The following DGKB variants were observed in gnomAD, a reference collection of about 807,000 sequenced individuals.
DGKB encodes the protein diacylglycerol kinase beta, also known as 90 kDa diacylglycerol kinase.
Under a neutral mutation model 114.3 loss-of-function variants are expected in DGKB, and 67 were observed. That is an observed-to-expected ratio of 0.59 (90% CI 0.48 to 0.72). DGKB has a LOEUF of 0.72. Ranked by LOEUF, DGKB falls within the 30% of genes least tolerant of loss-of-function variation. DGKB has a pLI of 0.00. For synonymous variants in DGKB, 398 were observed against 323.1 expected (o/e 1.23, Z -2.49); for missense variants, 907 against 975.2 (o/e 0.93, Z 0.93).
At chr7:14,667,383 C>G (rs1245995628) in intron 13 of DGKB, among the ~76,000 whole-genome samples, 1 of 151,936 alleles carries the variant, frequency 6.6e-6, no homozygotes, top group African/African-American at 2.4e-5. Flanking sequence ...TAACCAATTC[C>G]TAACTACAGA....
chr7:14,652,510 T>G (rs1280709907), intron 13 of DGKB, among the ~76,000 whole-genome samples: 1 of 152,030 alleles, frequency 6.6e-6, no homozygotes, highest in Non-Finnish European at 1.5e-5. Context: ...CAAGATGGAT[T>G]AAAGACTTAA....
At chr7:14,759,970 G>C (rs572295562) in intron 2 of DGKB, among the ~76,000 whole-genome samples, 2 of 152,174 alleles carry the variant, frequency 1.3e-5, no homozygotes, top group South Asian at 4.1e-4. Context: ...GATGTGAAAT[G>C]ATTCGACTCA....
At chr7:14,231,069 TCTTTCTTCTTTCC>T (rs1402247929) in intron 23 of DGKB, among the ~76,000 whole-genome samples, 156 of 151,096 alleles carry the variant, frequency 1.0e-3, no homozygotes, top group East Asian at 8.2e-3. Context: ...GGTTAAAAAT[TCTTTCTTCTTTCC>T]CTTTCTTTCT....
chr7:14,499,949 A>G (rs1355596049), intron 20 of DGKB, among the ~76,000 whole-genome samples: 1 of 151,888 alleles, frequency 6.6e-6, no homozygotes, highest in Non-Finnish European at 1.5e-5. Flanking sequence ...AGAAGAGAAT[A>G]CATTTCTTTT....
intron 23 of DGKB, among the ~76,000 whole-genome samples, chr7:14,267,345 C>T (rs1437172369): frequency 1.3e-5 from 2 of 152,068 alleles, no homozygotes; most frequent in Admixed American, 6.6e-5. Flanking sequence ...GAAGGTGGAC[C>T]TAGGTGAACT....
chr7:14,499,281 T>C (rs1003607222), intron 20 of DGKB, among the ~76,000 whole-genome samples: 6 of 151,712 alleles, frequency 4.0e-5, no homozygotes, highest in Non-Finnish European at 8.9e-5. Context: ...TAGGAGTTAA[T>C]ATCATTTATT....
intron 20 of DGKB, among the ~76,000 whole-genome samples, chr7:14,509,376 C>T (rs1787623965): frequency 6.6e-6 from 1 of 152,050 alleles, no homozygotes; most frequent in Non-Finnish European, 1.5e-5. Context: ...AGAGAATAAC[C>T]ACTCAGCGGC....
chr7:14,591,188 A>C (rs1220719796), intron 17 of DGKB, among the ~76,000 whole-genome samples: 1 of 152,104 alleles, frequency 6.6e-6, no homozygotes, highest in Non-Finnish European at 1.5e-5. Context: ...TCATCCTTCC[A>C]ATGGGGAGAA....
intron 13 of DGKB, among the ~76,000 whole-genome samples, chr7:14,640,409 T>C (rs557839553): frequency 2.6e-5 from 4 of 152,090 alleles, no homozygotes; most frequent in Non-Finnish European, 5.9e-5. Context: ...CAAGATAAAA[T>C]GAGAGTAATG....
At chr7:14,577,399 C>T (rs1006720611) in intron 19 of DGKB, among the ~76,000 whole-genome samples, 1 of 152,044 alleles carries the variant, frequency 6.6e-6, no homozygotes. Flanking sequence ...GGGTGGATCA[C>T]GAGGTCAGGA....
chr7:14,564,971 G>T (rs2128682056), intron 20 of DGKB, among the ~76,000 whole-genome samples: 1 of 152,098 alleles, frequency 6.6e-6, no homozygotes, highest in East Asian at 1.9e-4. Flanking sequence ...TATATGTTTA[G>T]GTAGATGGAA....
chr7:14,453,624 A>C (rs1057393246), intron 21 of DGKB, among the ~76,000 whole-genome samples: 1 of 152,162 alleles, frequency 6.6e-6, no homozygotes, highest in Admixed American at 6.6e-5. Context: ...TCTGAAATTT[A>C]TCTGTAATTT....
chr7:14,413,138 G>A lies in DGKB; in HGVS notation c.1835+65023C>T, dbSNP rs528179752. Among the ~76,000 whole-genome samples the A allele has an allele frequency of 3.0e-4, 45 of 152,174 alleles. No individual in the cohort carries two copies. The South Asian group carries it at 8.5e-3, about 29-fold the overall frequency. ...GGCAAAACTAAAGTGATATAGCAAT[G>A]GATTGGATATGGAGAGTGCAACATG... On this transcript the variant is annotated intron_variant, in intron 21 of 25. Transcript: ENST00000402815.
At chr7:14,929,017 G>A (rs1465209660) in intron 1 of DGKB, among the ~76,000 whole-genome samples, 4 of 129,978 alleles carry the variant, frequency 3.1e-5, no homozygotes, top group Non-Finnish European at 4.8e-5. Context: ...GTACTGCATT[G>A]TGTATACACA....
chr7:14,930,775 A>T (rs1784975361), intron 1 of DGKB, among the ~76,000 whole-genome samples: 1 of 151,990 alleles, frequency 6.6e-6, no homozygotes, highest in African/African-American at 2.4e-5. Context: ...GGCATCCTTG[A>T]CTTGTTCCAG....
At chr7:14,960,220 T>G (rs552013324) in intron 1 of DGKB, among the ~76,000 whole-genome samples, 167 of 152,234 alleles carry the variant, frequency 1.1e-3, no homozygotes, top group Middle Eastern at 0.01. Context: ...GTGTGACGAA[T>G]GCGTTTAGTT....
At chr7:14,654,192 GA>G (rs572435209) in intron 13 of DGKB, among the ~76,000 whole-genome samples, 11 of 151,918 alleles carry the variant, frequency 7.2e-5, no homozygotes, top group Non-Finnish European at 1.3e-4. Flanking sequence ...AAAGTTGCAG[GA>G]TATAAAAATT....
At chr7:14,680,871 G>T (rs1313200175) in intron 12 of DGKB, among the ~76,000 whole-genome samples, 1 of 151,882 alleles carries the variant, frequency 6.6e-6, no homozygotes, top group Non-Finnish European at 1.5e-5. Flanking sequence ...TAAAAACATT[G>T]ATTTTTTAAG....
intron 21 of DGKB, among the ~76,000 whole-genome samples, chr7:14,392,989 G>GTTTTTTTTTTTTTT (rs776845811): frequency 2.9e-4 from 3 of 10,180 alleles, no homozygotes; most frequent in Admixed American, 5.1e-4. Context: ...CCTGTTTTTT[G>GTTTTTTTTTTTTTT]TTTTTGTTTT....
Sources: gnomAD v4.1 joint callset for allele counts (sites outside exome capture counted in the v4.1 genomes callset) on GRCh38, gnomAD v4.1.1 for gene constraint, MANE v1.5 for transcripts, NCBI Gene and HGNC (gene_info 2026-07-23, HGNC 2026-07-21) for gene names.